The following HDAC9 variants were observed in gnomAD, a reference collection of about 807,000 sequenced individuals.
The protein encoded by HDAC9 is MEF-2 interacting transcription repressor (MITR) protein.
In HDAC9, 41 loss-of-function variants were observed where a neutral mutation model predicts 139.4. That is an observed-to-expected ratio of 0.29 (90% CI 0.23 to 0.38). The LOEUF is 0.38. Ranked by LOEUF, HDAC9 falls within the 10% of genes least tolerant of loss-of-function variation. HDAC9 has a pLI of 1.00. For synonymous variants in HDAC9, 517 were observed against 476.2 expected (o/e 1.09, Z -1.12); for missense variants, 1,147 against 1,297.0 (o/e 0.88, Z 1.78).
chr7:18,923,516 T>C (rs1803945709), intron 22 of HDAC9, among the ~76,000 whole-genome samples: 2 of 152,042 alleles, frequency 1.3e-5, no homozygotes, highest in African/African-American at 4.8e-5. Flanking sequence ...CTCTTTATCT[T>C]TGATCTCCCC....
chr7:18,547,143 C>A (rs1815134767), intron 2 of HDAC9, among the ~76,000 whole-genome samples: 1 of 152,244 alleles, frequency 6.6e-6, no homozygotes, highest in South Asian at 2.1e-4. Context: ...CACTGAGTCA[C>A]AACCTTTTTT....
At chr7:18,346,004 T>C (rs186419726) in intron 1 of HDAC9, among the ~76,000 whole-genome samples, 4 of 152,208 alleles carry the variant, frequency 2.6e-5, no homozygotes, top group Admixed American at 2.6e-4. Context: ...TTTCAGGAAC[T>C]CATTTTTCTC....
intron 17 of HDAC9, among the ~76,000 whole-genome samples, chr7:18,800,214 A>G (rs572740884): frequency 1.3e-5 from 2 of 152,316 alleles, no homozygotes; most frequent in South Asian, 2.1e-4. Flanking sequence ...GTTTTACCCC[A>G]TTAGTCCATT....
At chr7:18,917,958 T>C (rs1803358243) in intron 22 of HDAC9, among the ~76,000 whole-genome samples, 1 of 152,018 alleles carries the variant, frequency 6.6e-6, no homozygotes, top group Admixed American at 6.6e-5. Context: ...TAGTTTGAGA[T>C]AGTGTGTCAT....
At chr7:18,397,440 G>A (rs1235147188) in intron 1 of HDAC9, among the ~76,000 whole-genome samples, 1 of 152,120 alleles carries the variant, frequency 6.6e-6, no homozygotes. Context: ...AGGCAAATCA[G>A]CATAGGGATT....
At position 18,246,235 on chromosome 7, in the gene HDAC9, A is replaced by G. The variant is rs368719517; in HGVS notation, c.25+83886A>G. Among the ~76,000 whole-genome samples, 145 of 151,060 alleles carry G rather than the reference A, an allele frequency of 9.6e-4. 3 individuals are homozygous for G. The South Asian group carries it at 0.025, about 27-fold the overall frequency. On this transcript the variant is annotated intron_variant, in intron 2 of 12. Coordinates refer to the HDAC9 transcript ENST00000417496. The stretch of plus-strand genomic sequence containing the variant: ...TAGGTGGTTGGCCTCATTAGATAAG[A>G]CAGTGAACAGAGACTTAGAGGTGGA...
chr7:18,890,714 G>T (rs1444603075), intron 22 of HDAC9, among the ~76,000 whole-genome samples: 2 of 152,134 alleles, frequency 1.3e-5, no homozygotes, highest in African/African-American at 4.8e-5. Context: ...TTGAAAAGCA[G>T]ATTTTTTAAA....
intron 24 of HDAC9, among the ~76,000 whole-genome samples, chr7:18,970,575 T>G (rs928143560): frequency 6.6e-6 from 1 of 152,222 alleles, no homozygotes; most frequent in Non-Finnish European, 1.5e-5. Flanking sequence ...TGTGTCTTTA[T>G]TTTTGCATTT....
chr7:18,537,752 G>A (rs1191274454), intron 2 of HDAC9, among the ~76,000 whole-genome samples: 1 of 152,212 alleles, frequency 6.6e-6, no homozygotes, highest in Non-Finnish European at 1.5e-5. Flanking sequence ...CAAAAGTTAT[G>A]CGGGAGAATA....
intron 1 of HDAC9, among the ~76,000 whole-genome samples, chr7:18,486,402 C>G (rs765350318): frequency 1.9e-4 from 29 of 152,086 alleles, no homozygotes; most frequent in African/African-American, 7.0e-4. Context: ...CTTCAAAAGG[C>G]TTAGACCATG....
chr7:18,181,640 A>G lies in HDAC9; in HGVS notation c.25+19291A>G, dbSNP rs149372809. ...TAAAGTTTAGACCTCCACCACAATT[A>G]TACAATTTTTGTCAACCCTGGCTGC... On this transcript the variant is annotated intron_variant, in intron 2 of 12. Transcript: ENST00000417496. Among the ~76,000 whole-genome samples, 410 of 152,332 alleles carry G rather than the reference A, an allele frequency of 2.7e-3. 2 individuals are homozygous for G. The highest frequency in any genetic ancestry group is 9.0e-3 in the African/African-American group (376 of 41,586).
At chr7:18,580,605 A>G (rs1487360923) in intron 2 of HDAC9, among the ~76,000 whole-genome samples, 1 of 152,154 alleles carries the variant, frequency 6.6e-6, no homozygotes, top group Non-Finnish European at 1.5e-5. Flanking sequence ...TTTTATTTAC[A>G]ACTAATGTGA....
At chr7:18,986,838 G>C (rs890300495) in intron 25 of HDAC9, among the ~76,000 whole-genome samples, 1 of 152,192 alleles carries the variant, frequency 6.6e-6, no homozygotes, top group African/African-American at 2.4e-5. Flanking sequence ...AAGCAACTGT[G>C]AATGGGAGTT....
intron 23 of HDAC9, among the ~76,000 whole-genome samples, chr7:18,946,503 A>G (rs1384617676): frequency 6.6e-6 from 1 of 152,168 alleles, no homozygotes; most frequent in Non-Finnish European, 1.5e-5. Context: ...AGGAAAATTC[A>G]TGTGACCATA....
upstream of HDAC9, among the ~76,000 whole-genome samples, chr7:18,494,578 G>T (rs2128137316): frequency 6.6e-6 from 1 of 152,106 alleles, no homozygotes; most frequent in Admixed American, 6.6e-5. Context: ...TCCCTCTTTG[G>T]AATGTAAAAT....
At chr7:18,781,773 G>A (rs372578077) in intron 16 of HDAC9, among the ~76,000 whole-genome samples, 1 of 152,016 alleles carries the variant, frequency 6.6e-6, no homozygotes, top group South Asian at 2.1e-4. Context: ...GTGGGAAAAG[G>A]TAATTATTTT....
rs186784600 is a variant in HDAC9, at chr7:18,366,153, T to G, written c.-42+75638T>G. Among the ~76,000 whole-genome samples, 252 of 152,242 alleles carry G rather than the reference T, an allele frequency of 1.7e-3. 1 individual carries two copies. The highest frequency in any genetic ancestry group is 9.9e-3 in the South Asian group (48 of 4,830). ...AATCTCCTTAATTTCCGTTGCTTTA[T>G]GTATTATATAGAGATAAGGTGGAGG... On this transcript the variant is annotated intron_variant, in intron 1 of 3. Transcript: ENST00000413509.
chr7:18,640,223 C>T lies in HDAC9; in HGVS notation c.913-4448C>T, dbSNP rs565544775. On this transcript the variant is annotated intron_variant, in intron 8 of 25. Coordinates refer to ENST00000686413, the MANE Select transcript of HDAC9 (RefSeq NM_178425.4). ...GACGAGCCTGGGCAACATAGAAAGA[C>T]CCTGTCTCTACAGGGAGAAAAAAAA... 1.2e-4 allele frequency among the ~76,000 whole-genome samples: 18 copies of T among 150,818 alleles called. No individual in the cohort carries two copies. The East Asian group carries it at 3.5e-3, about 30-fold the overall frequency.
chr7:18,257,246 G>A (rs1488546959), intron 2 of HDAC9, among the ~76,000 whole-genome samples: 1 of 150,430 alleles, frequency 6.6e-6, no homozygotes, highest in Non-Finnish European at 1.5e-5. Context: ...AGGCCTAAGT[G>A]GGTGGATTGC....
Sources: gnomAD v4.1 joint callset for allele counts (sites outside exome capture counted in the v4.1 genomes callset) on GRCh38, gnomAD v4.1.1 for gene constraint, MANE v1.5 for transcripts, NCBI Gene and HGNC (gene_info 2026-07-23, HGNC 2026-07-21) for gene names.